The following SCN1A variants were observed in gnomAD, a reference collection of about 807,000 sequenced individuals.
SCN1A encodes the protein sodium voltage-gated channel alpha subunit 1, also known as sodium channel protein type 1 subunit alpha.
In SCN1A, 13 loss-of-function variants were observed where a neutral mutation model predicts 193.7. The ratio of observed to expected loss-of-function variants is 0.07; its 90% confidence interval spans 0.04 to 0.11. The LOEUF is 0.11. Among genes scored for constraint, SCN1A ranks in the 10% least tolerant of loss-of-function variants. SCN1A has a pLI of 1.00. For missense variants in SCN1A, 1,432 were observed against 2,451.1 expected (o/e 0.58, Z 8.78); for synonymous variants, 781 against 843.6 (o/e 0.93, Z 1.29).
chr2:165,995,751 C>T (rs1206231933), intron 27 of SCN1A, among the ~76,000 whole-genome samples: 2 of 151,642 alleles, frequency 1.3e-5, no homozygotes, highest in Non-Finnish European at 3.0e-5. Context: ...GTCCATTGGC[C>T]AATTAATATG....
At chr2:166,103,487 A>T (rs1036546229) in intron 2 of SCN1A, among the ~76,000 whole-genome samples, 1 of 151,556 alleles carries the variant, frequency 6.6e-6, no homozygotes, top group Non-Finnish European at 1.5e-5. Context: ...ATAAATAAAT[A>T]AATAAATACT....
intron 4 of SCN1A, among the ~76,000 whole-genome samples, chr2:166,072,719 C>CA (rs201399353): frequency 1.3e-5 from 2 of 151,070 alleles, no homozygotes; most frequent in Admixed American, 6.6e-5. Context: ...ACAGAAAGTA[C>CA]AAAAAAATTG....
intron 18 of SCN1A, among the ~76,000 whole-genome samples, chr2:166,036,939 T>G (rs1310461490): frequency 6.6e-6 from 1 of 152,186 alleles, no homozygotes; most frequent in Non-Finnish European, 1.5e-5. Context: ...AAATTGGATG[T>G]CAATTGAAAA....
At chr2:166,124,867 T>C (rs1326484343) in intron 2 of SCN1A, among the ~76,000 whole-genome samples, 1 of 152,204 alleles carries the variant, frequency 6.6e-6, no homozygotes, top group African/African-American at 2.4e-5. Flanking sequence ...AAATTAACAA[T>C]AGTATCTACC....
intron 16 of SCN1A, among the ~76,000 whole-genome samples, chr2:166,040,440 T>A (rs890432067): frequency 1.3e-5 from 2 of 152,226 alleles, no homozygotes; most frequent in African/African-American, 4.8e-5. Context: ...ATAAATTTAC[T>A]TCTGTAGTAT....
At chr2:166,092,355 T>C (rs111603324) in intron 2 of SCN1A, among the ~76,000 whole-genome samples, 4 of 152,246 alleles carry the variant, frequency 2.6e-5, no homozygotes, top group African/African-American at 9.6e-5. Flanking sequence ...TGGGCAAATT[T>C]TGAGAAACAC....
intron 24 of SCN1A, among the ~76,000 whole-genome samples, chr2:166,000,352 C>A (rs1377415243): frequency 6.6e-6 from 1 of 151,620 alleles, no homozygotes; most frequent in Non-Finnish European, 1.5e-5. Context: ...TTAGAAATAA[C>A]CCCCTATTCT....
At chr2:166,015,400 T>C (rs1049232041) in intron 20 of SCN1A, among the ~76,000 whole-genome samples, 2 of 151,948 alleles carry the variant, frequency 1.3e-5, no homozygotes, top group African/African-American at 4.8e-5. Flanking sequence ...TTTTCCTCCA[T>C]GTTCTTAATC....
At chr2:166,032,974 T>C (rs2105774588) in intron 19 of SCN1A, among the ~76,000 whole-genome samples, 1 of 152,270 alleles carries the variant, frequency 6.6e-6, no homozygotes, top group Non-Finnish European at 1.5e-5. Context: ...CAGAATGGTT[T>C]TATTAAGAAG....
chr2:165,985,333 TAGG>T (rs1420879917), downstream of SCN1A: 2 of 128,974 alleles, frequency 1.6e-5, no homozygotes, highest in African/African-American at 6.0e-5. Context: ...AAGGGAAAGG[TAGG>T]AGGGGGAGGT....
intron 1 of SCN1A, among the ~76,000 whole-genome samples, chr2:166,137,024 C>T (rs976696878): frequency 2.0e-5 from 3 of 152,156 alleles, no homozygotes; most frequent in Non-Finnish European, 4.4e-5. Context: ...CCACTTCTAA[C>T]CTACATTTTA....
intron 2 of SCN1A, among the ~76,000 whole-genome samples, chr2:166,095,164 C>T (rs931737186): frequency 2.6e-5 from 4 of 152,110 alleles, no homozygotes; most frequent in Non-Finnish European, 4.4e-5. Flanking sequence ...TGTGACAAAC[C>T]TCCATACAAT....
Position 165,992,124 on chromosome 2 carries a change from T to C in SCN1A, c.5151A>G (p.Leu1717=), listed in dbSNP as rs1177078569. The change falls in exon 29 of 29, where the codon CTA becomes CTG. Residue 1717 remains leucine, a synonymous_variant. Transcript: ENST00000674923. This position sits in a 1 kb window ranked among gnomAD's most constrained non-coding sequence, Gnocchi z 6.5. ...FETFGNSMIC[L]FQITTSAGWD... ...AGCCAGCAGAGGTTGTAATTTGGAA[T>C]AGGCAGATCATGCTGTTGCCAAAGG... 8.1e-6 allele frequency: 13 copies of C among 1,613,812 alleles called. No individual in the cohort carries two copies. Among genetic ancestry groups the C allele is most frequent in the East Asian group, 4.5e-5 (2 of 44,846 alleles).
intron 2 of SCN1A, chr2:166,123,548 C>G (rs1690873982): frequency 6.6e-6 from 1 of 152,120 alleles, no homozygotes; most frequent in African/African-American, 2.4e-5. Context: ...GGAGTTTGAT[C>G]TGTAACTGAC....
At chr2:166,134,371 G>A (rs1408171894) in intron 1 of SCN1A, among the ~76,000 whole-genome samples, 2 of 152,202 alleles carry the variant, frequency 1.3e-5, no homozygotes, top group African/African-American at 4.8e-5. Flanking sequence ...CAAAATGGAA[G>A]TGAGTGAAGT....
intron 2 of SCN1A, among the ~76,000 whole-genome samples, chr2:166,120,596 C>CTTTTTTTTTT (rs57044851): frequency 2.8e-5 from 2 of 72,456 alleles, no homozygotes; most frequent in Non-Finnish European, 4.8e-5. Flanking sequence ...TTTCTTTTCT[C>CTTTTTTTTTT]TTTTTTTTTT....
intron 2 of SCN1A, among the ~76,000 whole-genome samples, chr2:166,098,910 A>G (rs891030473): frequency 6.6e-6 from 1 of 152,238 alleles, no homozygotes; most frequent in African/African-American, 2.4e-5. Flanking sequence ...AGGAAGAATT[A>G]ATATTGTTAA....
chr2:165,999,383 A>G (rs1559121480), intron 25 of SCN1A, among the ~76,000 whole-genome samples: 1 of 151,564 alleles, frequency 6.6e-6, no homozygotes, highest in Non-Finnish European at 1.5e-5. Context: ...TAGAAATCAT[A>G]TATTTCTTCA....
intron 19 of SCN1A, among the ~76,000 whole-genome samples, chr2:166,027,790 T>C (rs2105736863): frequency 6.6e-6 from 1 of 152,210 alleles, no homozygotes; most frequent in South Asian, 2.1e-4. Context: ...GTATTAATAT[T>C]TCATTGTGTA....
Sources: gnomAD v4.1 joint callset for allele counts (sites outside exome capture counted in the v4.1 genomes callset) on GRCh38, gnomAD v4.1.1 for gene constraint, Gnocchi (gnomAD v3.1) non-coding constraint, MANE v1.5 for transcripts, NCBI Gene and HGNC (gene_info 2026-07-23, HGNC 2026-07-21) for gene names.